The following TMEM132B variants were observed in gnomAD, a reference collection of about 807,000 sequenced individuals.
TMEM132B encodes the protein transmembrane protein 132B.
In TMEM132B, 18 loss-of-function variants were observed where a neutral mutation model predicts 90.8. The observed-to-expected ratio is 0.20, with a 90% CI of 0.14 to 0.29. The LOEUF is 0.29. TMEM132B is among the 10% of genes least tolerant of loss of function. The probability of loss-of-function intolerance (pLI) is 1.00; values close to 1 mark genes in which losing one functional copy is unlikely to be tolerated. For missense variants in TMEM132B, 1,096 were observed against 1,326.8 expected, an observed-to-expected ratio of 0.83 and a Z score of 2.70; for synonymous variants, 504 against 523.3, an observed-to-expected ratio of 0.96 and a Z score of 0.50.
intron 3 of TMEM132B, among the ~76,000 whole-genome samples, chr12:125,506,039 A>G (rs997901584): frequency 2.0e-5 from 3 of 152,272 alleles, no homozygotes; most frequent in Non-Finnish European, 4.4e-5. Context: ...ATGAAAACGT[A>G]TGTTCATACA....
intron 5 of TMEM132B, among the ~76,000 whole-genome samples, chr12:125,615,519 C>T (rs1160513371): frequency 3.9e-5 from 6 of 152,036 alleles, no homozygotes; most frequent in African/African-American, 1.4e-4. Flanking sequence ...GCAAATTTTT[C>T]ATTTAAGTTT....
At chr12:125,559,115 G>A (rs1884460330) in intron 4 of TMEM132B, among the ~76,000 whole-genome samples, 1 of 152,174 alleles carries the variant, frequency 6.6e-6, no homozygotes, top group Non-Finnish European at 1.5e-5. Flanking sequence ...AGGATTCCAG[G>A]TGAAGAAAGA....
intron 3 of TMEM132B, among the ~76,000 whole-genome samples, chr12:125,428,341 C>T (rs189008876): frequency 1.4e-3 from 212 of 152,110 alleles, no homozygotes; most frequent in Non-Finnish European, 2.5e-3. Flanking sequence ...TTTTAGAAAC[C>T]CGGGCCTCTC....
chr12:125,503,817 C>G (rs1015554991), intron 3 of TMEM132B, among the ~76,000 whole-genome samples: 1 of 152,216 alleles, frequency 6.6e-6, no homozygotes, highest in Non-Finnish European at 1.5e-5. Flanking sequence ...ATTAGTTTCT[C>G]TTAATCAAAA....
At chr12:125,628,047 T>C (rs560205606) in intron 5 of TMEM132B, among the ~76,000 whole-genome samples, 2 of 152,198 alleles carry the variant, frequency 1.3e-5, no homozygotes, top group South Asian at 4.1e-4. Context: ...CCACATTTTC[T>C]TTATCCATTC....
chr12:125,362,487 C>T (rs1202940901), intron 2 of TMEM132B, among the ~76,000 whole-genome samples: 1 of 152,098 alleles, frequency 6.6e-6, no homozygotes, highest in Non-Finnish European at 1.5e-5. Context: ...TGAAATCGAC[C>T]CTATTAACAC....
At chr12:125,212,642 C>T (rs1873346900) in intron 1 of TMEM132B, among the ~76,000 whole-genome samples, 1 of 151,934 alleles carries the variant, frequency 6.6e-6, no homozygotes, top group Non-Finnish European at 1.5e-5. Context: ...TGCAGTGAGC[C>T]GAGATTGAGC....
At chr12:125,648,063 C>G (rs1346363507) in intron 6 of TMEM132B, among the ~76,000 whole-genome samples, 2 of 121,778 alleles carry the variant, frequency 1.6e-5, no homozygotes, top group African/African-American at 6.2e-5. Context: ...CTCCCCCCAC[C>G]CCATCACAGT....
intron 2 of TMEM132B, among the ~76,000 whole-genome samples, chr12:125,386,667 G>A (rs780710806): frequency 3.3e-5 from 5 of 152,228 alleles, no homozygotes; most frequent in Non-Finnish European, 5.9e-5. Context: ...CCAAAGAGCC[G>A]TGGGGAGCTA....
At chr12:125,420,465 G>A (rs1880138016) in intron 3 of TMEM132B, among the ~76,000 whole-genome samples, 1 of 152,210 alleles carries the variant, frequency 6.6e-6, no homozygotes, top group East Asian at 1.9e-4. Flanking sequence ...TTTAGTCATG[G>A]CTAGAGTGGC....
At chr12:125,596,412 C>T (rs1211497282) in intron 5 of TMEM132B, among the ~76,000 whole-genome samples, 2 of 152,134 alleles carry the variant, frequency 1.3e-5, no homozygotes, top group African/African-American at 4.8e-5. Flanking sequence ...TACTCATATA[C>T]CCAATTTATT....
rs556094385 is a variant in TMEM132B at position 125,290,734 on chromosome 12, C to T, written c.68-58718C>T. On this transcript the variant is annotated intron_variant, in intron 1 of 8. Coordinates refer to ENST00000682704, the MANE Select transcript of TMEM132B (RefSeq NM_001366854.1). ...TGGGCATTTAGGCTGCTTGCTGTTTCTTGCCACGGTAAACAATACTACAGT... is the reference window on the plus strand; with the variant it reads ...TGGGCATTTAGGCTGCTTGCTGTTTTTTGCCACGGTAAACAATACTACAGT... 3.9e-5 allele frequency among the ~76,000 whole-genome samples: 6 copies of T among 152,262 alleles called. No individual in the cohort carries two copies. In the South Asian group the frequency reaches 8.3e-4, roughly 21 times the overall value.
chr12:125,507,165 A>G (rs1236173666), intron 3 of TMEM132B, among the ~76,000 whole-genome samples: 1 of 152,224 alleles, frequency 6.6e-6, no homozygotes, highest in Non-Finnish European at 1.5e-5. Context: ...GGATGAAAAC[A>G]TGACAATCTA....
intron 1 of TMEM132B, among the ~76,000 whole-genome samples, chr12:125,247,698 A>G (rs1000056900): frequency 6.6e-6 from 1 of 152,048 alleles, no homozygotes; most frequent in Non-Finnish European, 1.5e-5. Flanking sequence ...CAATTAGAGA[A>G]CAGCATCCCC....
At chr12:125,505,562 G>A (rs1263105115) in intron 3 of TMEM132B, among the ~76,000 whole-genome samples, 1 of 152,034 alleles carries the variant, frequency 6.6e-6, no homozygotes. Context: ...AGCTGGGCCT[G>A]GTGGTGCATG....
intron 1 of TMEM132B, among the ~76,000 whole-genome samples, chr12:125,340,667 A>G (rs1311496754): frequency 6.6e-6 from 1 of 152,214 alleles, no homozygotes; most frequent in African/African-American, 2.4e-5. Context: ...TCTTTCTAAA[A>G]GCCTTGCCTG....
intron 1 of TMEM132B, among the ~76,000 whole-genome samples, chr12:125,345,356 A>G (rs1877322024): frequency 6.6e-6 from 1 of 152,174 alleles, no homozygotes; most frequent in Admixed American, 6.5e-5. Flanking sequence ...AGTGTGTCCC[A>G]TGTTGTAGCA....
chr12:125,575,057 C>CATAT (rs147688714), intron 4 of TMEM132B, among the ~76,000 whole-genome samples: 2,681 of 43,846 alleles, frequency 0.061, 596 homozygotes, highest in African/African-American at 0.094. Context: ...TATTAGCTGT[C>CATAT]ATATATATAT....
chr12:125,273,259 C>T (rs1874896504), intron 1 of TMEM132B, among the ~76,000 whole-genome samples: 1 of 152,084 alleles, frequency 6.6e-6, no homozygotes, highest in Non-Finnish European at 1.5e-5. Flanking sequence ...AAGAATAAAA[C>T]CATACAATGA....
Sources: allele counts gnomAD v4.1 joint callset (sites outside exome capture counted in the v4.1 genomes callset), GRCh38; gene constraint gnomAD v4.1.1; transcripts MANE v1.5; gene names NCBI Gene and HGNC (gene_info 2026-07-23, HGNC 2026-07-21).